The following MAN1A1 variants were observed in gnomAD, a reference collection of about 807,000 sequenced individuals.
MAN1A1 encodes the protein mannosidase alpha class 1A member 1.
Under a neutral mutation model 70.8 loss-of-function variants are expected in MAN1A1, and 29 were observed. The observed-to-expected ratio is 0.41, with a 90% CI of 0.31 to 0.56. The LOEUF (loss-of-function observed/expected upper bound fraction) is 0.56, where lower values mean the gene tolerates loss of function less well. MAN1A1 is among the 20% of genes least tolerant of loss of function. The probability of loss-of-function intolerance (pLI) is 0.29; values close to 1 mark genes in which losing one functional copy is unlikely to be tolerated. For missense variants in MAN1A1, 747 were observed against 841.3 expected (o/e 0.89, Z 1.39); for synonymous variants, 349 against 330.1 (o/e 1.06, Z -0.62).
chr6:119,325,181 A>T (rs1262484849), intron 2 of MAN1A1, among the ~76,000 whole-genome samples: 4 of 152,176 alleles, frequency 2.6e-5, no homozygotes, highest in Non-Finnish European at 4.4e-5. Context: ...ATTTACCTTA[A>T]CAGATGACAA....
intron 8 of MAN1A1, among the ~76,000 whole-genome samples, chr6:119,196,478 C>T (rs934348564): frequency 6.6e-6 from 1 of 151,940 alleles, no homozygotes; most frequent in Non-Finnish European, 1.5e-5. Flanking sequence ...GAGAGCAGGC[C>T]CGAATTTATC....
At chr6:119,188,965 G>A (rs560186358) in intron 10 of MAN1A1, among the ~76,000 whole-genome samples, 1 of 152,104 alleles carries the variant, frequency 6.6e-6, no homozygotes, top group African/African-American at 2.4e-5. Context: ...GTGGAACCCA[G>A]GGATACGAAG....
intron 6 of MAN1A1, among the ~76,000 whole-genome samples, chr6:119,225,712 C>T (rs928588480): frequency 2.6e-5 from 4 of 152,124 alleles, no homozygotes; most frequent in African/African-American, 9.7e-5. Context: ...AAACAATGAA[C>T]AGCCATAAGA....
chr6:119,198,423 T>G (rs145921507), intron 8 of MAN1A1, among the ~76,000 whole-genome samples: 285 of 152,248 alleles, frequency 1.9e-3, no homozygotes, highest in African/African-American at 6.6e-3. Flanking sequence ...ACAAGTTGTT[T>G]TATCCCTAGT....
At chr6:119,273,521 G>C (rs1562220575) in intron 5 of MAN1A1, among the ~76,000 whole-genome samples, 1 of 152,066 alleles carries the variant, frequency 6.6e-6, no homozygotes, top group Non-Finnish European at 1.5e-5. Flanking sequence ...GAATATTTGA[G>C]ATGTTTCTTC....
chr6:119,180,433 T>TTA lies in MAN1A1; in HGVS notation c.1720-8_1720-7dup. The TTA allele has an allele frequency of 6.8e-7, 1 of 1,478,514 alleles. No homozygotes were observed. Among genetic ancestry groups the TTA allele is most frequent in the Non-Finnish European group, 9.3e-7 (1 of 1,073,114 alleles). The allele number at this position is 1,478,514 out of a possible 1,614,324, so 91.6% of individuals were successfully genotyped here. A position where few individuals can be genotyped will look rare whatever the true frequency, so the allele number is the denominator to read the frequency against. ...CTGCAATGGTTTTCCAAGGCCTAAATTATAGAGGAGGAAAAAAAAAAGTCA... is the reference window on the plus strand; with the variant it reads ...CTGCAATGGTTTTCCAAGGCCTAAATTATATAGAGGAGGAAAAAAAAAAGTCA... On this transcript the variant is annotated splice_polypyrimidine_tract_variant and splice_region_variant and intron_variant, in intron 11 of 12. Coordinates refer to ENST00000368468, the MANE Select transcript of MAN1A1 (RefSeq NM_005907.4).
intron 2 of MAN1A1, among the ~76,000 whole-genome samples, chr6:119,336,127 T>C (rs1166233211): frequency 6.6e-6 from 1 of 152,192 alleles, no homozygotes; most frequent in Non-Finnish European, 1.5e-5. Context: ...TGGAGTGCAG[T>C]GGCACAATCT....
chr6:119,322,724 T>C (rs1226717493), intron 2 of MAN1A1, among the ~76,000 whole-genome samples: 1 of 152,226 alleles, frequency 6.6e-6, no homozygotes, highest in African/African-American at 2.4e-5. Flanking sequence ...CACTTAAGTA[T>C]TTCCCCATAT....
At chr6:119,246,582 C>G (rs553950964) in intron 6 of MAN1A1, among the ~76,000 whole-genome samples, 1 of 152,176 alleles carries the variant, frequency 6.6e-6, no homozygotes, top group African/African-American at 2.4e-5. Context: ...CTTTTGATAA[C>G]CAATTAGTTT....
chr6:119,182,877 T>A (rs534346760), intron 11 of MAN1A1, among the ~76,000 whole-genome samples: 1 of 152,230 alleles, frequency 6.6e-6, no homozygotes, highest in Admixed American at 6.5e-5. Flanking sequence ...TTTACATATA[T>A]AATTGTACCC....
At chr6:119,266,738 A>G (rs759915362) in intron 5 of MAN1A1, among the ~76,000 whole-genome samples, 14 of 152,208 alleles carry the variant, frequency 9.2e-5, no homozygotes, top group Non-Finnish European at 1.8e-4. Context: ...AAAATTTGAC[A>G]AGCTGAGCTT....
At chr6:119,180,736 A>G (rs1773131042) in intron 11 of MAN1A1, among the ~76,000 whole-genome samples, 1 of 151,542 alleles carries the variant, frequency 6.6e-6, no homozygotes, top group Admixed American at 6.6e-5. Flanking sequence ...GTTGTCTCAA[A>G]CTCCTGGGCT....
At position 119,199,601 on chromosome 6, in the gene MAN1A1, A is replaced by T. The variant is rs114550614; in HGVS notation, c.1210+1653T>A. Among the ~76,000 whole-genome samples the T allele has an allele frequency of 2.8e-3, 422 of 152,054 alleles. 4 individuals are homozygous for T. The highest frequency in any genetic ancestry group is 9.4e-3 in the African/African-American group (389 of 41,486). On this transcript the variant is annotated intron_variant, in intron 8 of 12. Coordinates refer to ENST00000368468, the MANE Select transcript of MAN1A1 (RefSeq NM_005907.4). ...ATAAGTGAAACCAGTATCCTTTTTT[A>T]AAATGCTATTAAGAATACAATGGGG...
rs552323298 is a variant in MAN1A1 at position 119,227,900 on chromosome 6, A to G, written c.992+20360T>C. 6.6e-5 allele frequency among the ~76,000 whole-genome samples: 10 copies of G among 152,346 alleles called. 1 individual carries two copies. The South Asian group carries it at 1.9e-3, about 28-fold the overall frequency. On this transcript the variant is annotated intron_variant, in intron 6 of 12. Coordinates refer to ENST00000368468, the MANE Select transcript of MAN1A1 (RefSeq NM_005907.4). ...CTGTTTTATAAAGTGAATTTAACAA[A>G]AAGTTTTACTCACTAAAATTTTAAG... is the stretch of plus-strand genomic sequence containing the variant.
chr6:119,228,470 G>C (rs1293456519), intron 6 of MAN1A1, among the ~76,000 whole-genome samples: 2 of 151,988 alleles, frequency 1.3e-5, no homozygotes, highest in Non-Finnish European at 2.9e-5. Context: ...CAACCATCTA[G>C]ACTTGCCATT....
At chr6:119,248,001 T>C (rs1435983911) in intron 6 of MAN1A1, among the ~76,000 whole-genome samples, 1 of 152,172 alleles carries the variant, frequency 6.6e-6, no homozygotes, top group African/African-American at 2.4e-5. Flanking sequence ...AAAGTCACTA[T>C]GAAACAGTGT....
chr6:119,235,270 A>G (rs994790389), intron 6 of MAN1A1, among the ~76,000 whole-genome samples: 2 of 152,248 alleles, frequency 1.3e-5, no homozygotes, highest in African/African-American at 4.8e-5. Context: ...ATCAAAAGTG[A>G]AAACAGAACA....
At chr6:119,223,100 TATTTAGAATATTC>T (rs958652298) in intron 6 of MAN1A1, among the ~76,000 whole-genome samples, 3 of 152,100 alleles carry the variant, frequency 2.0e-5, no homozygotes, top group African/African-American at 7.2e-5. Flanking sequence ...TTAGAATGAA[TATTTAGAATATTC>T]ATTCTAAAAT....
chr6:119,313,885 T>C (rs185403587), intron 2 of MAN1A1, among the ~76,000 whole-genome samples: 2 of 148,368 alleles, frequency 1.3e-5, no homozygotes, highest in African/African-American at 5.0e-5. Flanking sequence ...CAACTAGAAG[T>C]GAATGGGAAA....
Sources: allele counts gnomAD v4.1 joint callset (sites outside exome capture counted in the v4.1 genomes callset), GRCh38; gene constraint gnomAD v4.1.1; transcripts MANE v1.5; gene names NCBI Gene and HGNC (gene_info 2026-07-23, HGNC 2026-07-21).